The following NUP210L variants were observed in gnomAD, a reference collection of about 807,000 sequenced individuals.
NUP210L encodes nuclear pore membrane glycoprotein 210-like.
Under a neutral mutation model 208.5 loss-of-function variants are expected in NUP210L, and 74 were observed. That is an observed-to-expected ratio of 0.35 (90% CI 0.29 to 0.43). The LOEUF (loss-of-function observed/expected upper bound fraction) is 0.43. Ranked by LOEUF, NUP210L falls within the 20% of genes least tolerant of loss-of-function variation. The pLI, the probability that NUP210L is intolerant of heterozygous loss-of-function variation, is 1.00. For missense variants in NUP210L, 1,843 were observed against 2,289.4 expected (o/e 0.81, Z 3.98); for synonymous variants, 780 against 816.9 (o/e 0.95, Z 0.77).
At chr1:154,030,383 G>A (rs1345984189) in intron 27 of NUP210L, among the ~76,000 whole-genome samples, 2 of 151,746 alleles carry the variant, frequency 1.3e-5, no homozygotes, top group Admixed American at 6.6e-5. Flanking sequence ...CTGCAGCCTC[G>A]ACCTCCCGGG....
intron 27 of NUP210L, among the ~76,000 whole-genome samples, chr1:154,037,102 G>C (rs902766140): frequency 6.6e-6 from 1 of 152,166 alleles, no homozygotes; most frequent in African/African-American, 2.4e-5. Flanking sequence ...TTTGTGGCCT[G>C]TCATATTGTC....
At chr1:154,046,169 G>T (rs749698642) in exon 27 of NUP210L, 2 of 1,613,872 alleles carry the variant, frequency 1.2e-6, no homozygotes, top group African/African-American at 2.7e-5. Context: ...AGGGGTCTGG[G>T]TACTGGTTAC....
intron 1 of NUP210L, among the ~76,000 whole-genome samples, chr1:154,153,828 C>T (rs1199713727): frequency 6.6e-6 from 1 of 152,182 alleles, no homozygotes; most frequent in African/African-American, 2.4e-5. Context: ...TCAGGAAACA[C>T]ACACGTCACA....
At chr1:154,108,739 A>G (rs1341543134) in intron 12 of NUP210L, among the ~76,000 whole-genome samples, 1 of 151,702 alleles carries the variant, frequency 6.6e-6, no homozygotes, top group Non-Finnish European at 1.5e-5. Context: ...GTTCTTATTT[A>G]TCAATAATAA....
At position 154,012,358 on chromosome 1, in the gene NUP210L, C is replaced by T. The variant is rs770859761; in HGVS notation, c.4666G>A (p.Ala1556Thr). The T allele has an allele frequency of 1.2e-6, 2 of 1,612,680 alleles. No homozygotes were observed. The highest frequency in any genetic ancestry group is 1.7e-6 in the Non-Finnish European group (2 of 1,179,672). The change falls in exon 34 of 40, where the codon GCA (alanine) becomes ACA (threonine). Residue 1556 changes from alanine to threonine, a missense_variant. Coordinates refer to ENST00000368559, the Ensembl canonical transcript of NUP210L. ...TAACTGAGCATTAATCTTGATGATGCATTGACCACCACCTGTCAGCAAATC... is the reference window on the plus strand; with the variant it reads ...TAACTGAGCATTAATCTTGATGATGTATTGACCACCACCTGTCAGCAAATC...
At position 153,995,064 on chromosome 1, in the gene NUP210L, T is replaced by G; in HGVS notation, c.5491+12A>C. The G allele has an allele frequency of 6.6e-7, 1 of 1,514,374 alleles. No homozygotes were observed. The highest frequency in any genetic ancestry group is 1.2e-5 in the South Asian group (1 of 86,502). 93.8% of individuals were successfully genotyped at this position (1,514,374 alleles called of 1,614,324 possible). A position where few individuals can be genotyped will look rare whatever the true frequency, so the allele number is the denominator to read the frequency against. On this transcript the variant is annotated intron_variant, in intron 38 of 39. Coordinates refer to ENST00000368559, the Ensembl canonical transcript of NUP210L. The stretch of plus-strand genomic sequence containing the variant: ...ATGTCAAAGTCTATGTTATTGAATA[T>G]AAGGACTCTACCTAGGAAGATGGAA...
intron 23 of NUP210L, among the ~76,000 whole-genome samples, chr1:154,055,147 CTT>C (rs1227540561): frequency 1.1e-5 from 1 of 87,002 alleles, no homozygotes. Flanking sequence ...TTCTTTCTTT[CTT>C]TCTTTCTTTC....
At chr1:154,128,243 TGGGAG>T (rs1658080352) in intron 8 of NUP210L, among the ~76,000 whole-genome samples, 1 of 152,092 alleles carries the variant, frequency 6.6e-6, no homozygotes, top group Admixed American at 6.6e-5. Flanking sequence ...CCTAGCACTT[TGGGAG>T]GCCAAGGAGG....
At chr1:154,057,993 T>C in intron 22 of NUP210L, 96 bp downstream of exon 22, 1 of 1,307,444 alleles carries the variant, frequency 7.6e-7, no homozygotes, top group East Asian at 2.3e-5. Context: ...GGAGAAAATC[T>C]GAAATAATCT....
intron 37 of NUP210L, among the ~76,000 whole-genome samples, chr1:153,997,526 G>C (rs553667738): frequency 6.8e-6 from 1 of 147,326 alleles, no homozygotes; most frequent in African/African-American, 2.5e-5. Context: ...GCAGTGCAGT[G>C]GTGAGATCTC....
chr1:154,127,884 G>C (rs1196014161), intron 8 of NUP210L, among the ~76,000 whole-genome samples: 1 of 151,166 alleles, frequency 6.6e-6, no homozygotes, highest in South Asian at 2.1e-4. Flanking sequence ...GTTATTTTTT[G>C]AAACAGGGTC....
At chr1:153,993,081 C>T (rs1377176641) in exon 39 of NUP210L, 2 of 1,611,892 alleles carry the variant, frequency 1.2e-6, no homozygotes, top group Non-Finnish European at 1.7e-6. Flanking sequence ...TTTAGGAAGG[C>T]ATTGTATGCT....
At chr1:154,023,757 C>T (rs1651693987) in intron 30 of NUP210L, among the ~76,000 whole-genome samples, 1 of 151,288 alleles carries the variant, frequency 6.6e-6, no homozygotes, top group African/African-American at 2.4e-5. Flanking sequence ...GAATTATAGG[C>T]GTGAGCCACT....
intron 10 of NUP210L, among the ~76,000 whole-genome samples, chr1:154,120,936 A>C (rs1657588259): frequency 1.3e-5 from 2 of 151,176 alleles, no homozygotes; most frequent in South Asian, 4.2e-4. Flanking sequence ...TATTAAATTT[A>C]TAAATATGTA....
intron 3 of NUP210L, among the ~76,000 whole-genome samples, chr1:154,141,884 C>T (rs532765836): frequency 1.3e-5 from 2 of 152,140 alleles, no homozygotes; most frequent in African/African-American, 2.4e-5. Context: ...TTTCCAGGCC[C>T]GGTGCAATAG....
At chr1:154,060,362 TG>T (rs745529930) in intron 20 of NUP210L, among the ~76,000 whole-genome samples, 177 bp downstream of exon 20, 15 of 152,218 alleles carry the variant, frequency 9.9e-5, no homozygotes, top group Non-Finnish European at 1.5e-4. Context: ...ATACTGTCTC[TG>T]TTCAACCAGA....
chr1:154,072,182 A>T (rs765043800), intron 16 of NUP210L, among the ~76,000 whole-genome samples: 11 of 151,984 alleles, frequency 7.2e-5, no homozygotes, highest in Non-Finnish European at 1.2e-4. Context: ...CTTTACTTTT[A>T]GGTCTTTAAG....
intron 3 of NUP210L, among the ~76,000 whole-genome samples, chr1:154,141,985 C>G (rs1397386913): frequency 6.6e-6 from 1 of 151,960 alleles, no homozygotes; most frequent in Non-Finnish European, 1.5e-5. Flanking sequence ...AACATAGTGA[C>G]ACCTGGTCTG....
exon 28 of NUP210L, chr1:154,029,934 C>A: frequency 6.2e-7 from 1 of 1,610,664 alleles, no homozygotes; most frequent in Non-Finnish European, 8.5e-7. Flanking sequence ...AACAAATTCC[C>A]CTCAAACTGC....
Sources: gnomAD v4.1 joint callset for allele counts (sites outside exome capture counted in the v4.1 genomes callset) on GRCh38, gnomAD v4.1.1 for gene constraint, MANE v1.5 for transcripts, NCBI Gene and HGNC (gene_info 2026-07-23, HGNC 2026-07-21) for gene names.